The following MAG variants were observed in gnomAD, a reference collection of about 807,000 sequenced individuals.
The protein encoded by MAG is myelin associated glycoprotein.
Under a neutral mutation model 60.7 loss-of-function variants are expected in MAG, and 30 were observed. The ratio of observed to expected loss-of-function variants is 0.49; its 90% CI spans 0.37 to 0.67. The LOEUF (loss-of-function observed/expected upper bound fraction) is 0.67. Among genes scored for constraint, MAG ranks in the 30% least tolerant of loss-of-function variants. The probability of loss-of-function intolerance (pLI) is 0.00; values close to 1 mark genes in which losing one functional copy is unlikely to be tolerated. For missense variants in MAG, 795 were observed against 851.7 expected, an observed-to-expected ratio of 0.93 and a Z score of 0.83; for synonymous variants, 384 against 376.8, an observed-to-expected ratio of 1.02 and a Z score of -0.22.
At chr19:35,309,503 C>T (rs1302409689) in intron 7 of MAG, among the ~76,000 whole-genome samples, 1 of 152,108 alleles carries the variant, frequency 6.6e-6, no homozygotes, top group Non-Finnish European at 1.5e-5. Flanking sequence ...CTCTCGTACT[C>T]CTGACCTCAA....
Position 35,302,494 on chromosome 19 carries a change from G to A in MAG, c.1017G>A (p.Glu339=). Residue 339 remains glutamate, a synonymous_variant, in exon 7 of 11, where the codon GAG becomes GAA. Transcript: ENST00000392213. ...TGAACGGGACAATGGTGGCCGTAGAGGGGGAGACGGTCTCTATCTTGTGCT... is the reference window on the plus strand; with the variant it reads ...TGAACGGGACAATGGTGGCCGTAGAAGGGGAGACGGTCTCTATCTTGTGCT... The part of the protein sequence containing the change: ...PTVNGTMVAV[E]GETVSILCST... 6.2e-7 allele frequency: 1 copy of A among 1,614,182 alleles called. No individual in the cohort carries two copies.
intron 9 of MAG, among the ~76,000 whole-genome samples, chr19:35,310,849 C>T (rs2145626151): frequency 6.6e-6 from 1 of 152,342 alleles, no homozygotes; most frequent in Middle Eastern, 3.4e-3. Flanking sequence ...AGGGCCTGGG[C>T]TGAGCCCTTT....
Position 35,300,274 on chromosome 19 carries a change from C to A in MAG, c.840C>A (p.Leu280=). 6.3e-7 allele frequency: 1 copy of A among 1,598,954 alleles called. No homozygotes were observed. The highest frequency in any genetic ancestry group is 8.5e-7 in the Non-Finnish European group (1 of 1,178,420). Residue 280 remains leucine, a synonymous_variant, in exon 6 of 11, where the codon CTC becomes CTA. Coordinates refer to ENST00000392213, the MANE Select transcript of MAG (RefSeq NM_002361.4). ...CCTGGATGCGGGACGGGACAGTCCT[C>A]CGGGAGGCGGTGGCCGAGAGCCTGC... The part of the protein sequence containing the change: ...LLTWMRDGTV[L]REAVAESLLL...
At chr19:35,302,878 C>A (rs2066459024) in intron 7 of MAG, among the ~76,000 whole-genome samples, 170 bp downstream of exon 7, 1 of 148,784 alleles carries the variant, frequency 6.7e-6, no homozygotes, top group Non-Finnish European at 1.5e-5. Context: ...AAAATCCCAT[C>A]TGAGAATATT....
chr19:35,305,287 G>T (rs2066475918), intron 7 of MAG, among the ~76,000 whole-genome samples: 1 of 152,172 alleles, frequency 6.6e-6, no homozygotes, highest in Non-Finnish European at 1.5e-5. Context: ...ACTGACAGTG[G>T]TGGTGACCCT....
At chr19:35,312,692 T>G (rs2066537800) in intron 10 of MAG, 1 of 347,248 alleles carries the variant, frequency 2.9e-6, no homozygotes, top group Admixed American at 4.3e-5. Context: ...TAGGTGGTTT[T>G]CACCCAAAAA....
chr19:35,293,766 C>G lies in MAG; in HGVS notation c.-79-469C>G, dbSNP rs1016669027. 2.0e-5 allele frequency among the ~76,000 whole-genome samples: 3 copies of G among 152,054 alleles called. No individual in the cohort carries two copies. The highest frequency in any genetic ancestry group is 4.4e-5 in the Non-Finnish European group (3 of 67,988). The stretch of plus-strand genomic sequence containing the variant: ...CCCGCAGGCTAAAACACCCTCTCCC[C>G]GAGGGAACAGGACTCTTTTGTACCG... On this transcript the variant is annotated intron_variant, in intron 1 of 10. Transcript: ENST00000392213. This position sits in a 1 kb window ranked among gnomAD's most constrained non-coding sequence, Gnocchi z 4.0.
intron 10 of MAG, chr19:35,312,704 G>T (rs1020279606): frequency 4.8e-5 from 15 of 315,306 alleles, no homozygotes; most frequent in Non-Finnish European, 8.3e-5. Flanking sequence ...ACCCAAAAAG[G>T]TATTAGGGGT....
In MAG at chr19:35,310,084, A is replaced by C; in HGVS notation, c.1442A>C (p.Gln481Pro). 1 of 1,613,014 alleles carries C rather than the reference A, an allele frequency of 6.2e-7. No homozygotes were observed. Among genetic ancestry groups the C allele is most frequent in the Non-Finnish European group, 8.5e-7 (1 of 1,179,668 alleles). The change falls in exon 8 of 11, where the codon CAG becomes CCG. Residue 481 changes from glutamine to proline, a missense_variant. Coordinates refer to ENST00000392213, the MANE Select transcript of MAG (RefSeq NM_002361.4). ...ATCCTCACGCTGCGGGGGCAGGCCC[A>C]GGCCCCGCCCCGCGTCATCTGCACC... ...TSILTLRGQAQAPPRVICTAR... is the reference protein window; with the variant it reads ...TSILTLRGQAPAPPRVICTAR...
Position 35,302,720 on chromosome 19 carries a change from C to T in MAG, c.1231+12C>T. 6.2e-7 allele frequency: 1 copy of T among 1,611,354 alleles called. No individual in the cohort carries two copies. The highest frequency in any genetic ancestry group is 1.1e-5 in the South Asian group (1 of 91,080). On this transcript the variant is annotated intron_variant, in intron 7 of 10. Transcript: ENST00000392213. ...CCTGTCTGTGGAGTGTGAGTACCTTCCGCTCCCCTATGCTGGGGATGGACG... is the reference window on the plus strand; with the variant it reads ...CCTGTCTGTGGAGTGTGAGTACCTTTCGCTCCCCTATGCTGGGGATGGACG...
intron 9 of MAG, among the ~76,000 whole-genome samples, chr19:35,311,086 C>A (rs1363370765): frequency 6.6e-6 from 1 of 152,184 alleles, no homozygotes; most frequent in African/African-American, 2.4e-5. Context: ...TTATCCCGCA[C>A]TTTAGGAGGC....
At position 35,309,968 on chromosome 19, in the gene MAG, G is replaced by T. The variant is rs1397447135; in HGVS notation, c.1326G>T (p.Val442=). Reference sequence around the variant, plus strand: ...TGAAGTCCAACCCGGAGCCGTCCGTGGCCTTTGAGCTGCCATCGCGCAATG... The same window carrying T: ...TGAAGTCCAACCCGGAGCCGTCCGTTGCCTTTGAGCTGCCATCGCGCAATG... ...CVVKSNPEPS[V]AFELPSRNVT... The change falls in exon 8 of 11, where the codon GTG becomes GTT. Residue 442 remains valine, a synonymous_variant. Transcript: ENST00000392213. 2 of 1,614,010 alleles carry T rather than the reference G, an allele frequency of 1.2e-6. No homozygotes were observed. Among genetic ancestry groups the T allele is most frequent in the Non-Finnish European group, 1.7e-6 (2 of 1,179,936 alleles).
At chr19:35,312,288 A>C (rs200469385) in intron 10 of MAG, 32 of 1,613,552 alleles carry the variant, frequency 2.0e-5, no homozygotes, top group Non-Finnish European at 2.6e-5. Context: ...TAGTCCAAAG[A>C]GGTTTCTACC....
In MAG at chr19:35,312,033, C is replaced by T. The variant is rs200926438; in HGVS notation, c.1716+16C>T. 2.5e-6 allele frequency: 4 copies of T among 1,607,248 alleles called. No homozygotes were observed. The highest frequency in any genetic ancestry group is 2.6e-6 in the Non-Finnish European group (3 of 1,175,916). ...GAAGTACGAGGTAAGGACCAGGCTCCAGGCTGGCCTGGGAACCTGGATGCC... is the reference window on the plus strand; with the variant it reads ...GAAGTACGAGGTAAGGACCAGGCTCTAGGCTGGCCTGGGAACCTGGATGCC... On this transcript the variant is annotated intron_variant, in intron 10 of 10. Coordinates refer to ENST00000392213, the MANE Select transcript of MAG (RefSeq NM_002361.4).
chr19:35,312,386 G>T, intron 10 of MAG: 1 of 1,428,608 alleles, frequency 7.0e-7, no homozygotes. Flanking sequence ...TGGGGTTGGC[G>T]TGCATGTCCG....
In MAG at chr19:35,311,232, G is replaced by C. The variant is rs1021313632; in HGVS notation, c.1616+589G>C. ...CACTGTAGTCCCAGCTACTTGGGAG[G>C]CTGAGGTGGAACGATTCTTGAGCTC... On this transcript the variant is annotated intron_variant, in intron 9 of 10. Coordinates refer to ENST00000392213, the MANE Select transcript of MAG (RefSeq NM_002361.4). 3.3e-5 allele frequency among the ~76,000 whole-genome samples: 5 copies of C among 152,002 alleles called. No homozygotes were observed. The South Asian group carries it at 1.0e-3, about 32-fold the overall frequency.
At chr19:35,297,205 C>CCA (rs398120975) in intron 4 of MAG, among the ~76,000 whole-genome samples, 1 of 125,402 alleles carries the variant, frequency 8.0e-6, no homozygotes, top group Non-Finnish European at 1.7e-5. Flanking sequence ...TACACACACA[C>CCA]CACACACACC....
rs2145625255 is a variant in MAG, at chr19:35,310,169, G to A, written c.1519+8G>A. 1 of 1,598,258 alleles carries A rather than the reference G, an allele frequency of 6.3e-7. No individual in the cohort carries two copies. The highest frequency in any genetic ancestry group is 2.2e-5 in the East Asian group (1 of 44,624). ...TGCCCTTCCAGGGAGCCCGTGAGTG[G>A]CGTGGACTTGGGGTGGGAGCCACAG... is the stretch of plus-strand genomic sequence containing the variant. On this transcript the variant is annotated splice_region_variant and intron_variant, in intron 8 of 10. Transcript: ENST00000392213.
In MAG at chr19:35,299,542, C is replaced by T. The variant is rs375946312; in HGVS notation, c.416-12C>T. 8.1e-5 allele frequency: 126 copies of T among 1,560,596 alleles called. No individual in the cohort carries two copies. The highest frequency in any genetic ancestry group is 1.1e-4 in the Non-Finnish European group (121 of 1,144,700). On this transcript the variant is annotated splice_polypyrimidine_tract_variant and intron_variant, in intron 4 of 10. Transcript: ENST00000392213. ...CTGCTTTCTCAGCCCTCCCTTTCCC[C>T]GCCTCGTATAGACACCCCCAACATC...
Sources: gnomAD v4.1 joint callset for allele counts (sites outside exome capture counted in the v4.1 genomes callset) on GRCh38, gnomAD v4.1.1 for gene constraint, Gnocchi (gnomAD v3.1) non-coding constraint, MANE v1.5 for transcripts, NCBI Gene and HGNC (gene_info 2026-07-23, HGNC 2026-07-21) for gene names.